Variants in ETNK1 observed in about 807,000 individuals in gnomAD.
ETNK1 encodes the protein putative protein product of Nbla10396.
ETNK1 carries 8 observed loss-of-function variants against 45.1 expected under a neutral mutation model. That is an observed-to-expected ratio of 0.18 (90% CI 0.10 to 0.32). The LOEUF is 0.32. Ranked by LOEUF, ETNK1 falls within the 10% of genes least tolerant of loss-of-function variation. ETNK1 has a pLI of 1.00. For synonymous variants in ETNK1, 152 were observed against 151.9 expected (o/e 1.00, Z -0.01); for missense variants, 302 against 430.6 (o/e 0.70, Z 2.64).
intron 2 of ETNK1, 128 bp downstream of exon 2, chr12:22,644,150 G>A (rs545898774): frequency 1.3e-6 from 2 of 1,507,386 alleles, no homozygotes; most frequent in African/African-American, 1.4e-5. Flanking sequence ...TTTAGCTAGG[G>A]TTTTTGTTTT....
chr12:22,658,746 T>A (rs1409403789), intron 2 of ETNK1, among the ~76,000 whole-genome samples: 2 of 152,118 alleles, frequency 1.3e-5, no homozygotes, highest in African/African-American at 4.8e-5. Flanking sequence ...ACCTAATGAT[T>A]CTTGCTGAAG....
chr12:22,655,123 C>T (rs1477111827), intron 2 of ETNK1, among the ~76,000 whole-genome samples: 3 of 152,054 alleles, frequency 2.0e-5, no homozygotes, highest in Non-Finnish European at 4.4e-5. Flanking sequence ...CCTGCCACCA[C>T]ATCCGGCTAA....
At chr12:22,632,515 C>CT (rs138366955) in intron 1 of ETNK1, among the ~76,000 whole-genome samples, 7,000 of 147,854 alleles carry the variant, frequency 0.047, 532 homozygotes, top group African/African-American at 0.16. Context: ...TAAATTTTTA[C>CT]TTTTTTTTTT....
At chr12:22,644,907 A>G (rs1426040814) in intron 2 of ETNK1, among the ~76,000 whole-genome samples, 1 of 151,988 alleles carries the variant, frequency 6.6e-6, no homozygotes, top group Non-Finnish European at 1.5e-5. Flanking sequence ...TCCCTGGATC[A>G]TAGGTTAAGA....
chr12:22,650,245 G>GTT (rs1013929878), intron 2 of ETNK1, among the ~76,000 whole-genome samples: 2 of 144,452 alleles, frequency 1.4e-5, no homozygotes, highest in East Asian at 2.0e-4. Context: ...AACAAAGACA[G>GTT]TTTTTTTTTT....
intron 2 of ETNK1, among the ~76,000 whole-genome samples, chr12:22,646,793 G>T (rs183243198): frequency 9.2e-5 from 14 of 151,880 alleles, no homozygotes; most frequent in African/African-American, 3.1e-4. Context: ...TTTATGTTTG[G>T]ACTAGTCTGG....
intron 3 of ETNK1, among the ~76,000 whole-genome samples, chr12:22,660,302 G>A (rs1466925516): frequency 6.6e-6 from 1 of 152,180 alleles, no homozygotes; most frequent in Non-Finnish European, 1.5e-5. Flanking sequence ...GAGTGAAGGA[G>A]TATAGCCGTT....
chr12:22,641,786 T>C (rs751934280), intron 1 of ETNK1, among the ~76,000 whole-genome samples: 2 of 152,218 alleles, frequency 1.3e-5, no homozygotes, highest in Non-Finnish European at 2.9e-5. Context: ...GATTATATTA[T>C]TCACATATCT....
intron 4 of ETNK1, among the ~76,000 whole-genome samples, chr12:22,663,769 T>C (rs73253845): frequency 0.047 from 7,115 of 152,188 alleles, 537 homozygotes; most frequent in African/African-American, 0.16. Flanking sequence ...AATTTGCCTT[T>C]TTTATTGAAG....
At chr12:22,663,850 GT>G (rs569311749) in intron 4 of ETNK1, among the ~76,000 whole-genome samples, 62 of 146,552 alleles carry the variant, frequency 4.2e-4, no homozygotes, top group Middle Eastern at 3.6e-3. Flanking sequence ...GAAATGTTCT[GT>G]TTTTTTTTTC....
At chr12:22,682,494 C>A (rs1045367181) in intron 6 of ETNK1, among the ~76,000 whole-genome samples, 4 of 151,980 alleles carry the variant, frequency 2.6e-5, no homozygotes, top group South Asian at 2.1e-4. Flanking sequence ...AGTCAGTTAC[C>A]TAGGTGTTTT....
intron 6 of ETNK1, among the ~76,000 whole-genome samples, chr12:22,674,076 T>A (rs182743052): frequency 4.4e-4 from 67 of 152,346 alleles, no homozygotes; most frequent in African/African-American, 1.4e-3. Flanking sequence ...TGGAAGAACC[T>A]GTAGGATTAT....
rs1343431538 is a variant in ETNK1, at chr12:22,643,843, TTA to T, written c.239_240del (p.Tyr80TrpfsTer3). The T allele has an allele frequency of 6.2e-7, 1 of 1,613,322 alleles. No homozygotes were observed. Among genetic ancestry groups the T allele is most frequent in the Non-Finnish European group, 8.5e-7 (1 of 1,179,550 alleles). ...TMEDVVLVRI[Y>X]GNKTELLVDR... ...TGGAGGATGTAGTCCTGGTGAGAAT[TTA>T]TGGCAATAAGACTGAGTTATTAGTC... On this transcript the variant is annotated frameshift_variant, in exon 2 of 8. Coordinates refer to ENST00000266517, the MANE Select transcript of ETNK1 (RefSeq NM_018638.5). LOFTEE classifies it high-confidence loss of function.
At chr12:22,682,384 CAA>C (rs1201905088) in intron 6 of ETNK1, 3 of 364,300 alleles carry the variant, frequency 8.2e-6, no homozygotes, top group African/African-American at 6.5e-5. Context: ...GCCAAATACT[CAA>C]GTCTGATAAC....
Position 22,684,934 on chromosome 12 carries a change from G to A in ETNK1, c.1072G>A (p.Ala358Thr). ...QYFKMKPEVT[A>T]LKVPE is the part of the protein sequence containing the mutation. ...CTTTAAAATGAAGCCTGAGGTTACTGCATTAAAAGTGCCTGAGTAAAGAAG... is the reference window on the plus strand; with the variant it reads ...CTTTAAAATGAAGCCTGAGGTTACTACATTAAAAGTGCCTGAGTAAAGAAG... Residue 358 changes from alanine to threonine, a missense_variant, in exon 8 of 8, where the codon GCA (alanine) becomes ACA (threonine). Physicochemically the swap from Ala to Thr is moderately conservative, Grantham distance 58. Transcript: ENST00000266517. 1 of 1,606,492 alleles carries A rather than the reference G, an allele frequency of 6.2e-7. No individual in the cohort carries two copies.
In ETNK1 at chr12:22,634,557, T is replaced by C. The variant is rs183839372; in HGVS notation, c.156+8971T>C. Among the ~76,000 whole-genome samples the C allele has an allele frequency of 9.5e-4, 144 of 152,310 alleles. 3 individuals are homozygous for C. Among genetic ancestry groups the C allele is most frequent in the Admixed American group, 9.3e-3 (143 of 15,298 alleles). On this transcript the variant is annotated intron_variant, in intron 1 of 7. Transcript: ENST00000266517. ...GTTGCTTTATTGTCTTCATACATTTTGCTAAGAAGTTATCAACTGTATTAA... is the reference window on the plus strand; with the variant it reads ...GTTGCTTTATTGTCTTCATACATTTCGCTAAGAAGTTATCAACTGTATTAA...
intron 6 of ETNK1, among the ~76,000 whole-genome samples, chr12:22,680,345 G>T (rs190432246): frequency 8.5e-5 from 13 of 152,160 alleles, no homozygotes; most frequent in Admixed American, 8.5e-4. Context: ...TTAAAAAAGT[G>T]ATCCTTTCTA....
intron 1 of ETNK1, among the ~76,000 whole-genome samples, chr12:22,627,818 T>G (rs1209988912): frequency 6.6e-6 from 1 of 152,116 alleles, no homozygotes; most frequent in East Asian, 1.9e-4. Context: ...TTTAGAAACT[T>G]ACTGTAGTAA....
At position 22,662,809 on chromosome 12, in the gene ETNK1, AT is replaced by A. The variant is rs1034606011; in HGVS notation, c.700+1606del. The stretch of plus-strand genomic sequence containing the variant: ...AAGAATTCACATTAGCATGGTCATA[AT>A]TATATTAAATTACTGTTTATGACCC... On this transcript the variant is annotated intron_variant, in intron 4 of 7. Transcript: ENST00000266517. Among the ~76,000 whole-genome samples, 178 of 152,290 alleles carry A rather than the reference AT, an allele frequency of 1.2e-3. 2 individuals carry two copies. Among genetic ancestry groups the A allele is most frequent in the African/African-American group, 4.1e-3 (170 of 41,552 alleles).
Sources: allele counts gnomAD v4.1 joint callset (sites outside exome capture counted in the v4.1 genomes callset), GRCh38; gene constraint gnomAD v4.1.1; transcripts MANE v1.5; gene names NCBI Gene and HGNC (gene_info 2026-07-23, HGNC 2026-07-21).